The following LOXL2 variants were observed in gnomAD, a reference collection of about 807,000 sequenced individuals.
LOXL2 encodes the protein lysyl oxidase homolog 2.
LOXL2 carries 70 observed loss-of-function variants against 93.0 expected under a neutral mutation model. The observed-to-expected ratio is 0.75, with a 90% confidence interval of 0.62 to 0.92. The LOEUF (loss-of-function observed/expected upper bound fraction) is 0.92, where lower values mean the gene tolerates loss of function less well. Among genes scored for constraint, LOXL2 ranks in the 40% least tolerant of loss-of-function variants. The pLI, the probability that LOXL2 is intolerant of heterozygous loss-of-function variation, is 0.00. For missense variants in LOXL2, 973 were observed against 1,054.9 expected, an observed-to-expected ratio of 0.92 and a Z score of 1.08; for synonymous variants, 438 against 413.2, an observed-to-expected ratio of 1.06 and a Z score of -0.73.
chr8:23,321,958 A>G, intron 7 of LOXL2, 172 bp downstream of exon 7: 1 of 697,764 alleles, frequency 1.4e-6, no homozygotes, highest in East Asian at 2.6e-5. Flanking sequence ...CTGCCGGGCC[A>G]GGGCCAGGCC....
chr8:23,338,228 CAT>C (rs1249284694), intron 4 of LOXL2, among the ~76,000 whole-genome samples: 1 of 152,246 alleles, frequency 6.6e-6, no homozygotes, highest in Non-Finnish European at 1.5e-5. Flanking sequence ...CCTCCCACGA[CAT>C]GTGGGGTTAT....
At chr8:23,326,153 C>G (rs1326439055) in intron 6 of LOXL2, among the ~76,000 whole-genome samples, 1 of 152,194 alleles carries the variant, frequency 6.6e-6, no homozygotes, top group Non-Finnish European at 1.5e-5. Context: ...GTACTTTTCC[C>G]TTTCTGCCTA....
At chr8:23,348,604 G>A (rs537432784) in intron 3 of LOXL2, among the ~76,000 whole-genome samples, 2 of 151,914 alleles carry the variant, frequency 1.3e-5, no homozygotes, top group East Asian at 1.9e-4. Context: ...TCGGCCGGGT[G>A]CGGTGGCTCA....
At chr8:23,393,428 G>A (rs1585384755) in intron 1 of LOXL2, among the ~76,000 whole-genome samples, 1 of 152,178 alleles carries the variant, frequency 6.6e-6, no homozygotes, top group Non-Finnish European at 1.5e-5. Context: ...GTTTGGACAA[G>A]GTCCCAAGAC....
At chr8:23,323,256 A>C (rs546730832) in intron 6 of LOXL2, among the ~76,000 whole-genome samples, 145 of 152,386 alleles carry the variant, frequency 9.5e-4, no homozygotes, top group African/African-American at 3.3e-3. Flanking sequence ...GAGCCCAGGA[A>C]GCAAGCAAGG....
At chr8:23,378,144 C>G (rs571917860) in intron 1 of LOXL2, among the ~76,000 whole-genome samples, 1 of 152,206 alleles carries the variant, frequency 6.6e-6, no homozygotes, top group South Asian at 2.1e-4. Flanking sequence ...GGTGGTGACA[C>G]AATCTCTCAG....
chr8:23,392,497 G>T (rs1406207814), intron 1 of LOXL2, among the ~76,000 whole-genome samples: 1 of 152,176 alleles, frequency 6.6e-6, no homozygotes, highest in Non-Finnish European at 1.5e-5. Context: ...TTGTGAAGCT[G>T]ATCAGTTTCA....
intron 1 of LOXL2, among the ~76,000 whole-genome samples, chr8:23,385,244 C>CT (rs67050683): frequency 0.17 from 22,812 of 132,696 alleles, 2,264 homozygotes; most frequent in African/African-American, 0.26. Flanking sequence ...GATTTTTTTT[C>CT]TTTTTTTTTT....
At chr8:23,363,333 C>T (rs1430380011) in intron 2 of LOXL2, 3 of 152,190 alleles carry the variant, frequency 2.0e-5, no homozygotes. Flanking sequence ...AACGACAGCA[C>T]CTTGGATCCA....
intron 12 of LOXL2, among the ~76,000 whole-genome samples, chr8:23,301,285 C>T (rs1483334343): frequency 6.6e-6 from 1 of 152,216 alleles, no homozygotes; most frequent in African/African-American, 2.4e-5. Flanking sequence ...CTGGGAGAGA[C>T]ACTAGGGACA....
chr8:23,385,413 ATTTT>A (rs201661064), intron 1 of LOXL2, among the ~76,000 whole-genome samples: 4 of 136,302 alleles, frequency 2.9e-5, no homozygotes, highest in Admixed American at 7.4e-5. Flanking sequence ...CACCCAGCTA[ATTTT>A]TTTTTTTTTT....
intron 3 of LOXL2, among the ~76,000 whole-genome samples, chr8:23,355,800 G>A (rs901878615): frequency 4.0e-5 from 6 of 151,282 alleles, no homozygotes; most frequent in African/African-American, 9.7e-5. Context: ...GTAGAGACAC[G>A]GTCTTGCCAT....
chr8:23,400,814 A>C (rs371112031), intron 1 of LOXL2, among the ~76,000 whole-genome samples: 3 of 152,282 alleles, frequency 2.0e-5, no homozygotes, highest in African/African-American at 7.2e-5. Flanking sequence ...AATAATGAGG[A>C]AGTACACTGC....
At chr8:23,375,060 A>G (rs1804565564) in intron 1 of LOXL2, among the ~76,000 whole-genome samples, 1 of 152,108 alleles carries the variant, frequency 6.6e-6, no homozygotes, top group Non-Finnish European at 1.5e-5. Context: ...GTTTTCTTCT[A>G]GGGTTTTTAT....
chr8:23,310,854 G>A (rs1251315633), intron 9 of LOXL2, among the ~76,000 whole-genome samples: 1 of 152,178 alleles, frequency 6.6e-6, no homozygotes, highest in Non-Finnish European at 1.5e-5. Context: ...AATGACTGAT[G>A]GCTACAATCT....
At chr8:23,329,008 T>C in intron 5 of LOXL2, 1 of 174,418 alleles carries the variant, frequency 5.7e-6, no homozygotes, top group Non-Finnish European at 1.2e-5. Flanking sequence ...GGATAATAAT[T>C]CTTTCTTGTA....
intron 6 of LOXL2, 67 bp downstream of exon 6, chr8:23,328,315 G>T (rs755674772): frequency 3.2e-5 from 49 of 1,549,078 alleles, no homozygotes; most frequent in Admixed American, 1.2e-4. Flanking sequence ...ACGGCCAGCA[G>T]CCAGGCTGGG....
chr8:23,342,470 C>T (rs1451694845), intron 3 of LOXL2, among the ~76,000 whole-genome samples: 3 of 147,264 alleles, frequency 2.0e-5, no homozygotes, highest in Non-Finnish European at 3.0e-5. Context: ...CTCGCTCTGT[C>T]GCCCAGGCTG....
intron 1 of LOXL2, among the ~76,000 whole-genome samples, chr8:23,389,238 T>C (rs191459217): frequency 9.0e-4 from 137 of 152,292 alleles, no homozygotes; most frequent in African/African-American, 3.3e-3. Flanking sequence ...ACTACCTTGA[T>C]AGCTGAGTCA....
Sources: allele counts gnomAD v4.1 joint callset (sites outside exome capture counted in the v4.1 genomes callset), GRCh38; gene constraint gnomAD v4.1.1; transcripts MANE v1.5; gene names NCBI Gene and HGNC (gene_info 2026-07-23, HGNC 2026-07-21).